Variants in TEAD3 observed in about 807,000 individuals in gnomAD.
TEAD3 encodes transcriptional enhancer factor TEF-5.
TEAD3 carries 15 observed loss-of-function variants against 55.6 expected under a neutral mutation model. The observed-to-expected ratio is 0.27, with a 90% CI of 0.18 to 0.42. The LOEUF is 0.42. Among genes scored for constraint, TEAD3 ranks in the 10% least tolerant of loss-of-function variants. The probability of loss-of-function intolerance (pLI) is 1.00; values close to 1 mark genes in which losing one functional copy is unlikely to be tolerated. For missense variants in TEAD3, 407 were observed against 576.8 expected (o/e 0.71, Z 3.01); for synonymous variants, 210 against 232.2 (o/e 0.90, Z 0.87).
rs1251008676 is a variant in TEAD3, at chr6:35,484,069, G to C, written c.267+491C>G. On this transcript the variant is annotated intron_variant, in intron 3 of 12. Transcript: ENST00000639578. The surrounding 1 kb of genome is among the most constrained non-coding windows in gnomAD (Gnocchi z 5.8). ...TCCTTCTTAAAAATATATCCCGAGT[G>C]TCACCTCCTCCAGGGAGCCTTCCCA... Among the ~76,000 whole-genome samples the C allele has an allele frequency of 6.6e-6, 1 of 152,082 alleles. No homozygotes were observed. The highest frequency in any genetic ancestry group is 1.5e-5 in the Non-Finnish European group (1 of 68,016).
At chr6:35,495,101 G>A (rs941577983) in intron 1 of TEAD3, among the ~76,000 whole-genome samples, 7 of 152,206 alleles carry the variant, frequency 4.6e-5, no homozygotes, top group Middle Eastern at 3.2e-3. Context: ...GGGAAACTGA[G>A]GCCCAAAGGG....
Position 35,496,213 on chromosome 6 carries a change from G to T in TEAD3, c.-50+685C>A, listed in dbSNP as rs1038485712. ...CCTGAGCAAGTGTGGGGAAGAAAAG[G>T]CCCCAAATCCAGACCCCTCCGAGCC... On this transcript the variant is annotated intron_variant, in intron 1 of 12. Transcript: ENST00000639578. The surrounding 1 kb of genome is among the most constrained non-coding windows in gnomAD (Gnocchi z 4.8). Among the ~76,000 whole-genome samples, 2 of 152,154 alleles carry T rather than the reference G, an allele frequency of 1.3e-5. No homozygotes were observed. Among genetic ancestry groups the T allele is most frequent in the African/African-American group, 4.8e-5 (2 of 41,438 alleles).
In TEAD3 at chr6:35,485,201, C is replaced by T. The variant is rs988637019; in HGVS notation, c.203-577G>A. 1.1e-4 allele frequency among the ~76,000 whole-genome samples: 17 copies of T among 152,210 alleles called. No individual in the cohort carries two copies. The highest frequency in any genetic ancestry group is 3.9e-4 in the African/African-American group (16 of 41,442). On this transcript the variant is annotated intron_variant, in intron 2 of 12. Transcript: ENST00000639578. The surrounding 1 kb of genome is among the most constrained non-coding windows in gnomAD (Gnocchi z 4.3). ...GGCAGCACTGACCGCCTCCAATGTGCCTCCTACACTGGCGGCCTGTGTCAA... is the reference window on the plus strand; with the variant it reads ...GGCAGCACTGACCGCCTCCAATGTGTCTCCTACACTGGCGGCCTGTGTCAA...
intron 1 of TEAD3, among the ~76,000 whole-genome samples, chr6:35,490,314 T>C (rs961223608): frequency 6.6e-6 from 1 of 151,898 alleles, no homozygotes; most frequent in Non-Finnish European, 1.5e-5. Flanking sequence ...AGGCGGCCCC[T>C]GGCTGGGACC....
chr6:35,478,227 C>T (rs760822043), intron 7 of TEAD3, 48 bp downstream of exon 7: 12 of 1,606,534 alleles, frequency 7.5e-6, no homozygotes, highest in African/African-American at 5.4e-5. Flanking sequence ...AAGCCCTGTG[C>T]GGCTGCCAGG....
intron 7 of TEAD3, 140 bp from the exon 8 acceptor site, chr6:35,477,512 C>T (rs759181768): frequency 2.1e-5 from 15 of 721,584 alleles, no homozygotes; most frequent in African/African-American, 3.6e-5. Flanking sequence ...AAAGCTAACT[C>T]GCAAGCTTTT....
chr6:35,476,963 T>C (rs532015885), intron 8 of TEAD3, among the ~76,000 whole-genome samples: 1 of 152,220 alleles, frequency 6.6e-6, no homozygotes, highest in African/African-American at 2.4e-5. Flanking sequence ...GCTGGGACTA[T>C]AGCCATGCGC....
chr6:35,490,866 G>A (rs772538244), intron 1 of TEAD3, among the ~76,000 whole-genome samples: 1 of 152,168 alleles, frequency 6.6e-6, no homozygotes, highest in Non-Finnish European at 1.5e-5. Flanking sequence ...AGCTGACTGC[G>A]GGCGAGAGGG....
chr6:35,474,121 G>C (rs1768091732), downstream of TEAD3: 1 of 152,128 alleles, frequency 6.6e-6, no homozygotes, highest in Non-Finnish European at 1.5e-5. Flanking sequence ...TCTCCCTCTG[G>C]GCCTCTGGTC....
Position 35,484,621 on chromosome 6 carries a change from C to T in TEAD3, c.206G>A (p.Arg69Gln), listed in dbSNP as rs1768334787. 5 of 1,596,980 alleles carry T rather than the reference C, an allele frequency of 3.1e-6. No homozygotes were observed. The highest frequency in any genetic ancestry group is 1.7e-5 in the Admixed American group (1 of 57,336). Residue 69 changes from arginine (R) to glutamine (Q), a missense_variant, in exon 3 of 13, where the codon CGA becomes CAA. By Grantham distance (43) the Arg-to-Gln change is conservative (BLOSUM62 1). Coordinates refer to ENST00000639578, the Ensembl canonical transcript of TEAD3. The surrounding 1 kb of genome is among the most constrained non-coding windows in gnomAD (Gnocchi z 5.8). ...AATATAGCGTGCAATCAACTCATTT[C>T]GGCCTAGATTGGGGTGAGAGAGAAA...
At chr6:35,487,851 C>T (rs1257564942) in intron 1 of TEAD3, among the ~76,000 whole-genome samples, 1 of 152,216 alleles carries the variant, frequency 6.6e-6, no homozygotes, top group Non-Finnish European at 1.5e-5. Context: ...CACGCAGCTG[C>T]CAAAGGCATG....
At chr6:35,480,158 A>G (rs1406171315) in intron 3 of TEAD3, 154 bp downstream of exon 4, 3 of 1,549,988 alleles carry the variant, frequency 1.9e-6, no homozygotes, top group Middle Eastern at 1.7e-4. Flanking sequence ...AAGAACAGAA[A>G]GAGCGGAAGG....
intron 1 of TEAD3, among the ~76,000 whole-genome samples, chr6:35,495,031 G>A (rs929941900): frequency 3.9e-5 from 6 of 152,276 alleles, no homozygotes; most frequent in African/African-American, 1.2e-4. Flanking sequence ...GGCAAACTGG[G>A]AGACAGACTC....
intron 1 of TEAD3, among the ~76,000 whole-genome samples, chr6:35,493,938 G>C (rs1046578988): frequency 7.2e-5 from 11 of 152,180 alleles, no homozygotes; most frequent in Admixed American, 5.9e-4. Context: ...GGCACACACA[G>C]AACATCCCCC....
chr6:35,479,626 G>T (rs1212858137), intron 4 of TEAD3, among the ~76,000 whole-genome samples: 1 of 152,226 alleles, frequency 6.6e-6, no homozygotes, highest in Non-Finnish European at 1.5e-5. Context: ...TGTGGGCAGG[G>T]AGAAGAGCAC....
chr6:35,489,552 C>A (rs990496988), intron 1 of TEAD3, among the ~76,000 whole-genome samples: 1 of 152,168 alleles, frequency 6.6e-6, no homozygotes, highest in African/African-American at 2.4e-5. Flanking sequence ...GCCTCCAGAG[C>A]CACCAGGAAT....
chr6:35,484,991 G>C lies in TEAD3; in HGVS notation c.203-367C>G, dbSNP rs1431568584. On this transcript the variant is annotated intron_variant, in intron 2 of 12. Transcript: ENST00000639578. The surrounding 1 kb of genome is among the most constrained non-coding windows in gnomAD (Gnocchi z 5.8). The stretch of plus-strand genomic sequence containing the variant: ...GCTGAGTAGGGCCTGTCCTGGCCAG[G>C]CACGCCCATCCTCCCAGCCCCCAGC... Among the ~76,000 whole-genome samples the C allele has an allele frequency of 2.0e-5, 3 of 152,162 alleles. No individual in the cohort carries two copies. Among genetic ancestry groups the C allele is most frequent in the African/African-American group, 7.2e-5 (3 of 41,434 alleles).
rs564069810 is a variant in TEAD3 at position 35,485,740 on chromosome 6, A to G, written c.202+721T>C. ...GGGGCTGGGTGGGCGTGGCCAAGGG[A>G]CACGGAGCGGACCTGATCCCTTCCC... On this transcript the variant is annotated intron_variant, in intron 2 of 12. Coordinates refer to ENST00000639578, the Ensembl canonical transcript of TEAD3. The surrounding 1 kb of genome is among the most constrained non-coding windows in gnomAD (Gnocchi z 4.3). Among the ~76,000 whole-genome samples, 1 of 152,248 alleles carries G rather than the reference A, an allele frequency of 6.6e-6. No individual in the cohort carries two copies. The highest frequency in any genetic ancestry group is 2.4e-5 in the African/African-American group (1 of 41,560).
At chr6:35,490,461 G>C (rs1243897984) in intron 1 of TEAD3, among the ~76,000 whole-genome samples, 1 of 152,240 alleles carries the variant, frequency 6.6e-6, no homozygotes, top group Non-Finnish European at 1.5e-5. Context: ...TCCTGGGGCA[G>C]AGGCACCAAC....
Sources: allele counts gnomAD v4.1 joint callset (sites outside exome capture counted in the v4.1 genomes callset), GRCh38; gene constraint gnomAD v4.1.1; non-coding constraint Gnocchi (gnomAD v3.1); transcripts MANE v1.5; gene names NCBI Gene and HGNC (gene_info 2026-07-23, HGNC 2026-07-21).